The following GPR89A variants were observed in gnomAD, a reference collection of about 807,000 sequenced individuals.
The protein encoded by GPR89A is G protein-coupled receptor 89A.
Under a neutral mutation model 52.0 loss-of-function variants are expected in GPR89A, and 16 were observed. That is an observed-to-expected ratio of 0.31 (90% confidence interval 0.21 to 0.47). GPR89A has a LOEUF of 0.47. Ranked by LOEUF, GPR89A falls within the 20% of genes least tolerant of loss-of-function variation. The pLI is 1.00. For missense variants in GPR89A, 135 were observed against 449.4 expected (o/e 0.30, Z 6.33); for synonymous variants, 55 against 150.9 (o/e 0.36, Z 4.66).
intron 2 of GPR89A, among the ~76,000 whole-genome samples, chr1:145,616,518 T>G (rs1379389725): frequency 2.0e-5 from 3 of 152,078 alleles, no homozygotes; most frequent in African/African-American, 4.8e-5. Context: ...GGATTATGTC[T>G]TAGTCATATC....
intron 10 of GPR89A, among the ~76,000 whole-genome samples, chr1:145,662,803 G>A (rs1652293761): frequency 6.6e-6 from 1 of 151,826 alleles, no homozygotes; most frequent in African/African-American, 2.4e-5. Context: ...TTAAACTACT[G>A]TGTTGCTATT....
intron 10 of GPR89A, among the ~76,000 whole-genome samples, chr1:145,654,168 G>A (rs1553694105): frequency 6.6e-6 from 1 of 151,764 alleles, no homozygotes; most frequent in African/African-American, 2.4e-5. Context: ...AGTTCCCTCA[G>A]CATTTGCTTG....
Position 145,616,317 on chromosome 1 carries a change from A to G in GPR89A, c.102+24A>G, listed in dbSNP as rs782528214. ...AGGTGAGAAGAAATCATTTTGTCATACTTACACTATATGATTTAGATTGAC... is the reference window on the plus strand; with the variant it reads ...AGGTGAGAAGAAATCATTTTGTCATGCTTACACTATATGATTTAGATTGAC... On this transcript the variant is annotated intron_variant, in intron 2 of 13. Transcript: ENST00000313835. 6 of 1,587,984 alleles carry G rather than the reference A, an allele frequency of 3.8e-6. No homozygotes were observed. In the African/African-American group the frequency reaches 8.4e-5, roughly 22 times the overall value.
At chr1:145,608,365 C>T (rs1647975021) in intron 1 of GPR89A, 190 bp downstream of exon 1, 1 of 1,087,948 alleles carries the variant, frequency 9.2e-7, no homozygotes, top group African/African-American at 1.6e-5. Flanking sequence ...TGTCAGGAGA[C>T]TGGCCTGCGG....
At chr1:145,667,577 T>G (rs1553696694) in intron 12 of GPR89A, among the ~76,000 whole-genome samples, 1 of 152,226 alleles carries the variant, frequency 6.6e-6, no homozygotes, top group African/African-American at 2.4e-5. Context: ...TTAGTTTAAT[T>G]AAATCCCATT....
intron 12 of GPR89A, among the ~76,000 whole-genome samples, chr1:145,669,084 G>C (rs1299707381): frequency 6.6e-6 from 1 of 151,930 alleles, no homozygotes; most frequent in East Asian, 1.9e-4. Flanking sequence ...CTCATTTTAT[G>C]AGGCCAGCAT....
chr1:145,617,396 C>A (rs374629325), intron 2 of GPR89A, among the ~76,000 whole-genome samples: 40 of 152,112 alleles, frequency 2.6e-4, no homozygotes, highest in African/African-American at 9.7e-4. Flanking sequence ...TTCAAACACA[C>A]ATGTTTTTCA....
chr1:145,660,151 A>G (rs1416159635), intron 10 of GPR89A, among the ~76,000 whole-genome samples: 5 of 152,168 alleles, frequency 3.3e-5, no homozygotes, highest in African/African-American at 9.7e-5. Context: ...CACGCCGCAT[A>G]TCTACAACTA....
At chr1:145,616,448 T>C (rs1237374620) in intron 2 of GPR89A, among the ~76,000 whole-genome samples, 155 bp downstream of exon 2, 3 of 152,094 alleles carry the variant, frequency 2.0e-5, no homozygotes, top group African/African-American at 2.4e-5. Context: ...TAAGTAGACT[T>C]AATTGATTTA....
rs1219874916 is a variant in GPR89A, at chr1:145,608,035, C to T, written c.-99C>T. On this transcript the variant is annotated 5_prime_UTR_variant, in exon 1 of 14. Transcript: ENST00000313835. ...GAGAGCCGCAGTCCCGGCTGCAGCA[C>T]CTGGGAGAAGGCAGACCGTGTGAGG... is the stretch of plus-strand genomic sequence containing the variant. 15 of 1,448,980 alleles carry T rather than the reference C, an allele frequency of 1.0e-5. No individual in the cohort carries two copies. Among genetic ancestry groups the T allele is most frequent in the Non-Finnish European group, 1.4e-5 (15 of 1,045,562 alleles). 89.8% of individuals were successfully genotyped at this position (1,448,980 alleles called of 1,614,324 possible).
At chr1:145,619,647 T>C (rs1268116329) in intron 3 of GPR89A, among the ~76,000 whole-genome samples, 2 of 152,040 alleles carry the variant, frequency 1.3e-5, no homozygotes, top group Non-Finnish European at 2.9e-5. Flanking sequence ...TAATGGTCTC[T>C]TGATAGAACA....
intron 7 of GPR89A, among the ~76,000 whole-genome samples, chr1:145,641,610 C>A (rs1409233292): frequency 1.3e-5 from 2 of 151,952 alleles, no homozygotes; most frequent in Admixed American, 1.3e-4. Context: ...ACAACAGAGA[C>A]CAGAAAATAG....
chr1:145,665,266 T>C (rs1478553609), intron 11 of GPR89A, among the ~76,000 whole-genome samples: 3 of 151,908 alleles, frequency 2.0e-5, no homozygotes, highest in African/African-American at 7.3e-5. Context: ...GAGTATTGCT[T>C]GAGCCCAGGA....
intron 7 of GPR89A, among the ~76,000 whole-genome samples, chr1:145,635,034 A>G (rs1436261317): frequency 1.3e-5 from 2 of 152,170 alleles, no homozygotes; most frequent in Non-Finnish European, 2.9e-5. Context: ...GTATTTTCAC[A>G]TTTCATATTT....
intron 7 of GPR89A, among the ~76,000 whole-genome samples, chr1:145,637,636 T>TA (rs1650341329): frequency 6.7e-6 from 1 of 149,466 alleles, no homozygotes; most frequent in Non-Finnish European, 1.5e-5. Context: ...AGCCAATAGA[T>TA]ACTAACTCCA....
At chr1:145,649,061 C>T (rs1329020301) in intron 10 of GPR89A, among the ~76,000 whole-genome samples, 1 of 152,138 alleles carries the variant, frequency 6.6e-6, no homozygotes, top group East Asian at 1.9e-4. Flanking sequence ...GCCTCAGCCT[C>T]CCAAAGTGCT....
In GPR89A at chr1:145,657,636, G is replaced by T. The variant is rs1483231809; in HGVS notation, c.910-5693G>T. Among the ~76,000 whole-genome samples, 6 of 152,086 alleles carry T rather than the reference G, an allele frequency of 3.9e-5. No homozygotes were observed. In the East Asian group the frequency reaches 1.2e-3, roughly 29 times the overall value. ...GGGCCTGGAGTTTTCTTTGCAGGAA[G>T]ATTTTTTTAAACTACCAATTCATTT... On this transcript the variant is annotated intron_variant, in intron 10 of 13. Transcript: ENST00000313835.
At chr1:145,627,446 A>G (rs1345066343) in intron 5 of GPR89A, among the ~76,000 whole-genome samples, 2 of 151,370 alleles carry the variant, frequency 1.3e-5, no homozygotes, top group Non-Finnish European at 3.0e-5. Flanking sequence ...GAAAACAAAG[A>G]TCAATAAGAA....
chr1:145,634,060 G>A (rs1264071029), intron 7 of GPR89A, among the ~76,000 whole-genome samples: 4 of 147,168 alleles, frequency 2.7e-5, no homozygotes, highest in Non-Finnish European at 5.9e-5. Flanking sequence ...TGTATTCAAA[G>A]AATGGAATAT....
Sources: allele counts gnomAD v4.1 joint callset (sites outside exome capture counted in the v4.1 genomes callset), GRCh38; gene constraint gnomAD v4.1.1; transcripts MANE v1.5; gene names NCBI Gene and HGNC (gene_info 2026-07-23, HGNC 2026-07-21).